CSMD1: variants seen among roughly 807,000 people sequenced by gnomAD.
The protein encoded by CSMD1 is CUB and sushi domain-containing protein 1.
In CSMD1, 213 loss-of-function variants were observed where a neutral mutation model predicts 417.5. The observed-to-expected ratio is 0.51, with a 90% CI of 0.46 to 0.57. The LOEUF (loss-of-function observed/expected upper bound fraction) is 0.57, where lower values mean the gene tolerates loss of function less well. CSMD1 is among the 20% of genes least tolerant of loss of function. The pLI is 0.00. For synonymous variants in CSMD1, 2,862 were observed against 1,736.8 expected, an observed-to-expected ratio of 1.65 and a Z score of -16.11; for missense variants, 6,923 against 4,529.7, an observed-to-expected ratio of 1.53 and a Z score of -15.17.
Position 4,031,941 on chromosome 8 carries a change from C to A in CSMD1, c.574G>T (p.Gly192Cys), listed in dbSNP as rs765719538. The A allele has an allele frequency of 6.2e-7, 1 of 1,613,894 alleles. No homozygotes were observed. The highest frequency in any genetic ancestry group is 8.5e-7 in the Non-Finnish European group (1 of 1,179,860). ...ILTCIVSPGN[G>C]ASWDFPAPFC... ...GGAGCTGGGAAGTCCCACGATGCAC[C>A]ATTTCCTGGGCTGACGATGCAGGTC... The change falls in exon 4 of 70, where the codon GGT (glycine) becomes TGT (cysteine). Residue 192 changes from glycine to cysteine, a missense_variant. By Grantham distance (159) the Gly-to-Cys change is radical. Coordinates refer to ENST00000635120, the MANE Select transcript of CSMD1 (RefSeq NM_033225.6).
chr8:4,361,850 G>C (rs138494181), intron 3 of CSMD1, among the ~76,000 whole-genome samples: 2 of 152,072 alleles, frequency 1.3e-5, no homozygotes, highest in African/African-American at 4.8e-5. Context: ...AGCTATTTGG[G>C]AGGCTAAGGC....
intron 5 of CSMD1, among the ~76,000 whole-genome samples, chr8:3,793,527 G>T (rs549443595): frequency 2.0e-5 from 3 of 148,714 alleles, no homozygotes; most frequent in African/African-American, 7.5e-5. Context: ...CTCTGGATTC[G>T]ATCTCTGGGC....
At chr8:4,014,549 ATTGGTATTAAGCACCT>A (rs1796431958) in intron 4 of CSMD1, among the ~76,000 whole-genome samples, 2 of 152,144 alleles carry the variant, frequency 1.3e-5, no homozygotes, top group Admixed American at 1.3e-4. Flanking sequence ...AATAGCCGTT[ATTGGTATTAAGCACCT>A]GGATCATCTC....
In CSMD1 at chr8:4,435,677, G is replaced by C. The variant is rs149106526; in HGVS notation, c.303-15612C>G. ...GGGGATTTCCTGTGAGGTCACCCGAGTTGTTACTGACAAGTGGAGGTGCCT... is the reference window on the plus strand; with the variant it reads ...GGGGATTTCCTGTGAGGTCACCCGACTTGTTACTGACAAGTGGAGGTGCCT... On this transcript the variant is annotated intron_variant, in intron 2 of 69. Coordinates refer to ENST00000635120, the MANE Select transcript of CSMD1 (RefSeq NM_033225.6). Among the ~76,000 whole-genome samples, 687 of 152,314 alleles carry C rather than the reference G, an allele frequency of 4.5e-3. 7 individuals carry two copies. Among genetic ancestry groups the C allele is most frequent in the South Asian group, 0.03 (144 of 4,822 alleles).
intron 30 of CSMD1, among the ~76,000 whole-genome samples, chr8:3,207,652 G>A (rs901652002): frequency 2.6e-5 from 4 of 151,970 alleles, no homozygotes; most frequent in African/African-American, 7.3e-5. Flanking sequence ...CATTACAATC[G>A]CTTGAAAAAC....
chr8:3,484,556 G>C (rs1033072056), intron 11 of CSMD1, among the ~76,000 whole-genome samples: 2 of 152,148 alleles, frequency 1.3e-5, no homozygotes, highest in East Asian at 3.8e-4. Flanking sequence ...GACAGCAAAA[G>C]CACTGGCCTT....
chr8:4,343,565 A>G (rs1246821826), intron 3 of CSMD1, among the ~76,000 whole-genome samples: 1 of 152,140 alleles, frequency 6.6e-6, no homozygotes, highest in Non-Finnish European at 1.5e-5. Context: ...ATTATATATC[A>G]ATAGAGCTGG....
chr8:4,822,390 G>A (rs1253649677), intron 1 of CSMD1, among the ~76,000 whole-genome samples: 2 of 152,022 alleles, frequency 1.3e-5, no homozygotes, highest in Admixed American at 6.6e-5. Context: ...ACCTCAACTG[G>A]CCTAGTTTGA....
chr8:3,504,436 GGT>G (rs1334734535), intron 10 of CSMD1, among the ~76,000 whole-genome samples: 1 of 152,140 alleles, frequency 6.6e-6, no homozygotes, highest in African/African-American at 2.4e-5. Flanking sequence ...GTGCAAGCAA[GGT>G]GTGTACTTCT....
chr8:4,758,758 C>G (rs950892589), intron 1 of CSMD1, among the ~76,000 whole-genome samples: 1 of 152,132 alleles, frequency 6.6e-6, no homozygotes, highest in Non-Finnish European at 1.5e-5. Flanking sequence ...ACCACCAGAT[C>G]TGGTGAGAAG....
chr8:3,240,707 G>T lies in CSMD1; in HGVS notation c.4154-10476C>A, dbSNP rs536660297. On this transcript the variant is annotated intron_variant, in intron 26 of 69. Transcript: ENST00000635120. ...GTAAAGAAAGCAGGTTTGAGATCTA[G>T]AACAGAATAATGGGTTGTGGAGGGA... Among the ~76,000 whole-genome samples, 50 of 152,198 alleles carry T rather than the reference G, an allele frequency of 3.3e-4. No individual in the cohort carries two copies. The East Asian group carries it at 6.8e-3, about 21-fold the overall frequency.
At chr8:4,787,819 C>G (rs1585098181) in intron 1 of CSMD1, 3 of 1,573,096 alleles carry the variant, frequency 1.9e-6, no homozygotes, top group Non-Finnish European at 2.6e-6. Flanking sequence ...TCATGCTACA[C>G]AGGCTATATT....
intron 26 of CSMD1, among the ~76,000 whole-genome samples, chr8:3,260,655 C>A (rs1459867000): frequency 6.6e-6 from 1 of 151,720 alleles, no homozygotes; most frequent in East Asian, 1.9e-4. Flanking sequence ...CAATCCCTTT[C>A]TTTATATTTT....
chr8:4,862,027 G>A (rs1802166312), intron 1 of CSMD1, among the ~76,000 whole-genome samples: 1 of 152,068 alleles, frequency 6.6e-6, no homozygotes, highest in East Asian at 1.9e-4. Flanking sequence ...TTACTGAACA[G>A]GAGGGATTGC....
intron 59 of CSMD1, among the ~76,000 whole-genome samples, chr8:2,965,469 G>C (rs1157569831): frequency 6.6e-6 from 1 of 152,070 alleles, no homozygotes; most frequent in Non-Finnish European, 1.5e-5. Context: ...GTTTACCCAG[G>C]ACAGCAAAGC....
chr8:3,978,509 A>T (rs1813614365), intron 5 of CSMD1, among the ~76,000 whole-genome samples: 1 of 152,142 alleles, frequency 6.6e-6, no homozygotes, highest in African/African-American at 2.4e-5. Flanking sequence ...ACATTCTACC[A>T]CGCAGCCTGA....
At chr8:4,315,885 C>A (rs1798896205) in intron 3 of CSMD1, among the ~76,000 whole-genome samples, 1 of 152,038 alleles carries the variant, frequency 6.6e-6, no homozygotes, top group Non-Finnish European at 1.5e-5. Flanking sequence ...ATTTTAAAAA[C>A]AGGTTTTATA....
chr8:4,250,513 A>G (rs184262978), intron 3 of CSMD1, among the ~76,000 whole-genome samples: 27 of 152,268 alleles, frequency 1.8e-4, no homozygotes, highest in East Asian at 3.9e-4. Flanking sequence ...TGGTGGAATT[A>G]TATGTATATC....
chr8:3,243,906 A>T lies in CSMD1; in HGVS notation c.4154-13675T>A, dbSNP rs1264858060. ...ACAGTCTATTAAATGCATGAACTAC[A>T]TACATGTTTTTTAAACGTTATGTAA... On this transcript the variant is annotated intron_variant, in intron 26 of 69. Coordinates refer to ENST00000635120, the MANE Select transcript of CSMD1 (RefSeq NM_033225.6). Among the ~76,000 whole-genome samples the T allele has an allele frequency of 1.3e-5, 2 of 152,156 alleles. 1 individual carries two copies. The highest frequency in any genetic ancestry group is 1.3e-4 in the Admixed American group (2 of 15,262).
Sources: allele counts gnomAD v4.1 joint callset (sites outside exome capture counted in the v4.1 genomes callset), GRCh38; gene constraint gnomAD v4.1.1; transcripts MANE v1.5; gene names NCBI Gene and HGNC (gene_info 2026-07-23, HGNC 2026-07-21).